PLXDC1: variants seen among roughly 807,000 people sequenced by gnomAD.
PLXDC1 encodes plexin domain containing 1.
PLXDC1 carries 39 observed loss-of-function variants against 61.3 expected under a neutral mutation model. The observed-to-expected ratio is 0.64, with a 90% CI of 0.49 to 0.83. PLXDC1 has a LOEUF of 0.83. Among genes scored for constraint, PLXDC1 ranks in the 40% least tolerant of loss-of-function variants. PLXDC1 has a pLI of 0.00. For missense variants in PLXDC1, 596 were observed against 666.5 expected (o/e 0.89, Z 1.17); for synonymous variants, 212 against 254.5 (o/e 0.83, Z 1.59).
rs752941841 is a variant in PLXDC1 at position 39,067,933 on chromosome 17, C to A, written c.1410G>T (p.Met470Ile). ...IERRPHHWPA[M>I]KFRSHPDHST... is the part of the protein sequence containing the mutation. ...AATGGTCAGGGTGGCTGCGAAACTT[C>A]ATGGCTGGCCAGTGGTGAGGTCTAC... The change falls in exon 14 of 14, where the codon ATG becomes ATT. Residue 470 changes from methionine (M) to isoleucine (I), a missense_variant. Transcript: ENST00000315392. 2.5e-6 allele frequency: 4 copies of A among 1,614,118 alleles called. No homozygotes were observed. The Admixed American group carries it at 6.7e-5, about 27-fold the overall frequency.
intron 9 of PLXDC1, 77 bp from the exon 10 acceptor site, chr17:39,079,241 T>A: frequency 1.6e-6 from 2 of 1,253,610 alleles, no homozygotes; most frequent in Non-Finnish European, 2.3e-6. Flanking sequence ...CAGTAACAGC[T>A]CTCTGCTGAT....
Position 39,069,861 on chromosome 17 carries a change from T to A in PLXDC1, c.1378A>T (p.Ile460Phe). Residue 460 changes from isoleucine to phenylalanine, a missense_variant, in exon 13 of 14, where the codon ATC becomes TTC. Transcript: ENST00000315392. ...HPTSNAALFF[I>F]ERRPHHWPAM... is the part of the protein sequence containing the mutation. ...TGGCCACAGATGACACGGACCTCGA[T>A]GAAGAAGAGCGCAGCATTGGATGTG... is the stretch of plus-strand genomic sequence containing the variant. 6.2e-7 allele frequency: 1 copy of A among 1,613,604 alleles called. No individual in the cohort carries two copies. The highest frequency in any genetic ancestry group is 8.5e-7 in the Non-Finnish European group (1 of 1,179,628).
intron 9 of PLXDC1, among the ~76,000 whole-genome samples, chr17:39,082,956 C>T (rs1045837695): frequency 6.6e-6 from 1 of 152,190 alleles, no homozygotes; most frequent in African/African-American, 2.4e-5. Flanking sequence ...TAGTCCACAC[C>T]CCTGGTCTTC....
At chr17:39,089,543 G>C (rs912087926) in intron 7 of PLXDC1, among the ~76,000 whole-genome samples, 2 of 152,238 alleles carry the variant, frequency 1.3e-5, no homozygotes, top group African/African-American at 2.4e-5. Flanking sequence ...GGCTACTTCA[G>C]TATCCTCCGT....
At chr17:39,143,154 C>T (rs931997253) in intron 1 of PLXDC1, among the ~76,000 whole-genome samples, 2 of 152,070 alleles carry the variant, frequency 1.3e-5, no homozygotes, top group Non-Finnish European at 2.9e-5. Context: ...AATAAATAAA[C>T]AACACAAAAA....
intron 2 of PLXDC1, among the ~76,000 whole-genome samples, chr17:39,111,207 T>C (rs1200653560): frequency 6.6e-6 from 1 of 152,188 alleles, no homozygotes; most frequent in Non-Finnish European, 1.5e-5. Flanking sequence ...CTGCCCACGC[T>C]GGTCCTCCTG....
At chr17:39,146,359 C>G (rs1364775657) in intron 1 of PLXDC1, among the ~76,000 whole-genome samples, 1 of 152,022 alleles carries the variant, frequency 6.6e-6, no homozygotes, top group Admixed American at 6.5e-5. Context: ...GCATGAGCCA[C>G]CACGCCTGGC....
chr17:39,105,142 A>C (rs1009898254), intron 7 of PLXDC1, among the ~76,000 whole-genome samples: 1 of 152,116 alleles, frequency 6.6e-6, no homozygotes, highest in Admixed American at 6.5e-5. Flanking sequence ...GGGGTCCTAC[A>C]TGGCAGAACT....
chr17:39,152,723 G>T, upstream of PLXDC1: 1 of 1,221,056 alleles, frequency 8.2e-7, no homozygotes, highest in Non-Finnish European at 1.0e-6. Context: ...GGGGACAGGA[G>T]AAGGTACACT....
Position 39,104,620 on chromosome 17 carries a change from C to CA in PLXDC1, c.811+1233dup, listed in dbSNP as rs1024684485. On this transcript the variant is annotated intron_variant, in intron 7 of 13. Coordinates refer to ENST00000315392, the MANE Select transcript of PLXDC1 (RefSeq NM_020405.5). Reference sequence around the variant, plus strand: ...GAAACATAGCAAGGCCCTGTCTCTACAAAAAATAACAAAATTAGCCAGGCA... The same window carrying CA: ...GAAACATAGCAAGGCCCTGTCTCTACAAAAAAATAACAAAATTAGCCAGGCA... Among the ~76,000 whole-genome samples the CA allele has an allele frequency of 6.6e-5, 10 of 152,108 alleles. No homozygotes were observed. The South Asian group carries it at 8.3e-4, about 13-fold the overall frequency.
At chr17:39,131,477 C>T (rs185100429) in intron 2 of PLXDC1, among the ~76,000 whole-genome samples, 9 of 152,148 alleles carry the variant, frequency 5.9e-5, no homozygotes, top group African/African-American at 2.2e-4. Flanking sequence ...CTCAGCTTCC[C>T]GAGTAACTAA....
rs1908964536 is a variant in PLXDC1 at position 39,068,055 on chromosome 17, AT to A, written c.1384-97del. 5.6e-6 allele frequency: 7 copies of A among 1,255,132 alleles called. No homozygotes were observed. In the African/African-American group the frequency reaches 1.0e-4, roughly 19 times the overall value. The allele number at this position is 1,255,132 out of a possible 1,614,324, so 77.7% of individuals were successfully genotyped here. ...ACAGAGCCAACCAAGACTGTCTCTT[AT>A]AAGGGCCCTGGGGCACTTGGGCCTA... On this transcript the variant is annotated intron_variant, in intron 13 of 13. Transcript: ENST00000315392.
chr17:39,109,094 G>T, intron 3 of PLXDC1, 121 bp from the exon 4 acceptor site: 1 of 1,272,782 alleles, frequency 7.9e-7, no homozygotes, highest in Non-Finnish European at 1.1e-6. Context: ...CCACTGCTGG[G>T]CACCCCAACT....
At chr17:39,131,247 AG>A (rs1911549765) in intron 2 of PLXDC1, among the ~76,000 whole-genome samples, 1 of 152,158 alleles carries the variant, frequency 6.6e-6, no homozygotes, top group African/African-American at 2.4e-5. Flanking sequence ...ACCAAGATCG[AG>A]GGCCAGGACT....
intron 7 of PLXDC1, among the ~76,000 whole-genome samples, chr17:39,103,481 C>G (rs114420794): frequency 1.3e-5 from 2 of 151,934 alleles, no homozygotes; most frequent in East Asian, 3.9e-4. Flanking sequence ...TGTTTGAGGC[C>G]GCAATGAACT....
intron 2 of PLXDC1, among the ~76,000 whole-genome samples, chr17:39,120,187 T>C (rs1911114366): frequency 6.6e-6 from 1 of 152,136 alleles, no homozygotes; most frequent in Non-Finnish European, 1.5e-5. Flanking sequence ...GTTTCGCTCA[T>C]GTAACACAGG....
At chr17:39,072,666 G>A (rs1909170023) in intron 11 of PLXDC1, 181 bp from the exon 12 acceptor site, 2 of 629,768 alleles carry the variant, frequency 3.2e-6, no homozygotes, top group Non-Finnish European at 5.8e-6. Flanking sequence ...CTGGAGGCTG[G>A]GGAGTAAATG....
upstream of PLXDC1, chr17:39,152,701 A>C (rs2045382122): frequency 5.8e-6 from 7 of 1,210,000 alleles, no homozygotes; most frequent in South Asian, 8.2e-5. Context: ...TTCCAGGAGG[A>C]GGGATATGGG....
At chr17:39,128,191 A>AT (rs1911412553) in intron 2 of PLXDC1, among the ~76,000 whole-genome samples, 1 of 139,790 alleles carries the variant, frequency 7.2e-6, no homozygotes, top group Non-Finnish European at 1.5e-5. Context: ...ATATGTGTGT[A>AT]TATATATGTA....
Sources: gnomAD v4.1 joint callset for allele counts (sites outside exome capture counted in the v4.1 genomes callset) on GRCh38, gnomAD v4.1.1 for gene constraint, MANE v1.5 for transcripts, NCBI Gene and HGNC (gene_info 2026-07-23, HGNC 2026-07-21) for gene names.